MTRF1: variants seen among roughly 807,000 people sequenced by gnomAD.
MTRF1 encodes peptide chain release factor 1, mitochondrial.
Under a neutral mutation model 62.9 loss-of-function variants are expected in MTRF1, and 51 were observed. The ratio of observed to expected loss-of-function variants is 0.81; its 90% CI spans 0.65 to 1.02. The LOEUF (loss-of-function observed/expected upper bound fraction) is 1.02, where lower values mean the gene tolerates loss of function less well. Ranked by LOEUF, MTRF1 falls within the 50% of genes least tolerant of loss-of-function variation. The probability of loss-of-function intolerance (pLI) is 0.00; values close to 1 mark genes in which losing one functional copy is unlikely to be tolerated. For synonymous variants in MTRF1, 158 were observed against 181.9 expected, an observed-to-expected ratio of 0.87 and a Z score of 1.06; for missense variants, 446 against 530.0, an observed-to-expected ratio of 0.84 and a Z score of 1.56.
At chr13:41,272,461 A>C in the MTRF1 span, among the ~76,000 whole-genome samples, 1 of 152,172 alleles carries the variant, frequency 6.6e-6, no homozygotes, top group Non-Finnish European at 1.5e-5. Flanking sequence ...GCCAAATTAG[A>C]GAGGCTTTAT....
upstream of MTRF1, among the ~76,000 whole-genome samples, chr13:41,263,803 TGGGAGGGA>T (rs374421290): frequency 5.2e-4 from 15 of 29,068 alleles, no homozygotes; most frequent in African/African-American, 1.2e-3. Flanking sequence ...ATGGAGATGG[TGGGAGGGA>T]GGGAGGGAGG....
At chr13:41,281,352 G>C in the MTRF1 span, among the ~76,000 whole-genome samples, 1 of 151,648 alleles carries the variant, frequency 6.6e-6, no homozygotes, top group Non-Finnish European at 1.5e-5. Context: ...CTTCTGGTTT[G>C]TTTTGTTTGT....
the MTRF1 span, among the ~76,000 whole-genome samples, chr13:41,303,056 T>G: frequency 5.9e-5 from 9 of 152,174 alleles, no homozygotes; most frequent in African/African-American, 2.2e-4. Flanking sequence ...ACATTCCAGA[T>G]AAGAAATTCC....
the MTRF1 span, among the ~76,000 whole-genome samples, chr13:41,276,295 C>G: frequency 6.6e-6 from 1 of 151,944 alleles, no homozygotes; most frequent in Admixed American, 6.6e-5. Flanking sequence ...CCTCAGTCTC[C>G]CGAGTAGCTG....
chr13:41,304,847 A>C, the MTRF1 span, among the ~76,000 whole-genome samples: 2 of 152,244 alleles, frequency 1.3e-5, no homozygotes, highest in Non-Finnish European at 1.5e-5. Flanking sequence ...CTCAGAGTAC[A>C]TGTGTGATCT....
At chr13:41,273,768 C>T in the MTRF1 span, among the ~76,000 whole-genome samples, 5 of 152,034 alleles carry the variant, frequency 3.3e-5, no homozygotes, top group Non-Finnish European at 5.9e-5. Flanking sequence ...ACCTGGGAGG[C>T]GGAGGTTGCA....
At chr13:41,229,866 C>T (rs887023130) in intron 7 of MTRF1, among the ~76,000 whole-genome samples, 14 of 152,036 alleles carry the variant, frequency 9.2e-5, no homozygotes, top group African/African-American at 3.1e-4. Context: ...TTTGGGAGGC[C>T]GAGGTGGGCA....
At chr13:41,246,271 C>T (rs1318752095) in intron 5 of MTRF1, among the ~76,000 whole-genome samples, 1 of 152,030 alleles carries the variant, frequency 6.6e-6, no homozygotes, top group Non-Finnish European at 1.5e-5. Flanking sequence ...TGGGTATACC[C>T]TGCAACTGAA....
intron 9 of MTRF1, among the ~76,000 whole-genome samples, chr13:41,218,985 T>C (rs1267594190): frequency 6.6e-6 from 1 of 152,196 alleles, no homozygotes; most frequent in Non-Finnish European, 1.5e-5. Context: ...AAATATGAAA[T>C]TGCTTTTAAA....
intron 7 of MTRF1, chr13:41,229,540 G>A (rs2035124855): frequency 6.6e-6 from 1 of 151,280 alleles, no homozygotes; most frequent in Non-Finnish European, 1.5e-5. Flanking sequence ...CTCTCTGTAA[G>A]TCACTTTTTG....
At chr13:41,288,099 T>C in the MTRF1 span, 1 of 480,272 alleles carries the variant, frequency 2.1e-6, no homozygotes, top group Non-Finnish European at 4.2e-6. Context: ...TATGTCTGTT[T>C]ACAGATAGAA....
At chr13:41,249,405 G>C (rs1014785848) in intron 5 of MTRF1, among the ~76,000 whole-genome samples, 1 of 151,690 alleles carries the variant, frequency 6.6e-6, no homozygotes, top group Non-Finnish European at 1.5e-5. Context: ...GCCGGGCGTA[G>C]TGGCGGGTGC....
chr13:41,262,023 A>G (rs2040506699), intron 1 of MTRF1: 1 of 152,854 alleles, frequency 6.5e-6, no homozygotes, highest in African/African-American at 2.4e-5. Context: ...TATTTTTTAA[A>G]AAGAAAGTTA....
At chr13:41,268,615 G>C in the MTRF1 span, among the ~76,000 whole-genome samples, 2 of 152,032 alleles carry the variant, frequency 1.3e-5, no homozygotes, top group African/African-American at 4.8e-5. Flanking sequence ...TTAGCATCAG[G>C]CTACAACAAA....
chr13:41,269,685 T>C, the MTRF1 span, among the ~76,000 whole-genome samples: 51 of 152,216 alleles, frequency 3.4e-4, no homozygotes, highest in African/African-American at 8.9e-4. Flanking sequence ...ATTATGAGTT[T>C]TTCTACATTT....
chr13:41,252,709 G>C lies in MTRF1; in HGVS notation c.633C>G (p.Tyr211Ter). 1 of 1,613,506 alleles carries C rather than the reference G, an allele frequency of 6.2e-7. No individual in the cohort carries two copies. Among genetic ancestry groups the C allele is most frequent in the Non-Finnish European group, 8.5e-7 (1 of 1,179,784 alleles). ...AGTGTTTATAGCACGAATAATTCTGGTACATGTCAAATATTTCTCGGGTAA... is the reference window on the plus strand; with the variant it reads ...AGTGTTTATAGCACGAATAATTCTGCTACATGTCAAATATTTCTCGGGTAA... ...QQFTREIFDM[Y>*]QNYSCYKHWQ... Residue 211 changes from tyrosine to a stop codon, truncating the protein, a stop_gained, in exon 5 of 10, where the codon TAC becomes TAG. Transcript: ENST00000379480. LOFTEE classifies it high-confidence loss of function.
At chr13:41,265,887 G>T (rs967787725), upstream of MTRF1, among the ~76,000 whole-genome samples, 2 of 152,058 alleles carry the variant, frequency 1.3e-5, no homozygotes, top group African/African-American at 4.8e-5. Context: ...GTCTCGCTCT[G>T]TCACCAGGCT....
At position 41,260,585 on chromosome 13, in the gene MTRF1, C is replaced by T. The variant is rs2040338186; in HGVS notation, c.323G>A (p.Arg108Lys). 6.2e-7 allele frequency: 1 copy of T among 1,614,176 alleles called. No homozygotes were observed. The highest frequency in any genetic ancestry group is 8.5e-7 in the Non-Finnish European group (1 of 1,180,032). The change falls in exon 2 of 10, where the codon AGA becomes AAA. Residue 108 changes from arginine (R) to lysine (K), a missense_variant. Arg to Lys is a conservative substitution (Grantham distance 26). Transcript: ENST00000379480. ...AAGAGGTGCCAACTCAGCATGCCTT[C>T]TGTTCAAGGACCTTCGGTTTTCCTC... ...VNEENRRSLN[R>K]RHAELAPLAA... is the part of the protein sequence containing the mutation.
At chr13:41,249,398 G>A (rs541480586) in intron 5 of MTRF1, among the ~76,000 whole-genome samples, 6 of 151,824 alleles carry the variant, frequency 4.0e-5, no homozygotes, top group South Asian at 4.1e-4. Flanking sequence ...AAAATTAGCC[G>A]GGCGTAGTGG....
Sources: gnomAD v4.1 joint callset for allele counts (sites outside exome capture counted in the v4.1 genomes callset) on GRCh38, gnomAD v4.1.1 for gene constraint, MANE v1.5 for transcripts, NCBI Gene and HGNC (gene_info 2026-07-23, HGNC 2026-07-21) for gene names.